PARN: variants seen among roughly 807,000 people sequenced by gnomAD.
PARN encodes the protein poly(A)-specific ribonuclease.
A neutral mutation model predicts 102.8 loss-of-function variants in PARN; 71 were observed. That is an observed-to-expected ratio of 0.69 (90% CI 0.57 to 0.84). The LOEUF is 0.84. PARN is among the 40% of genes least tolerant of loss of function. The pLI is 0.00. For synonymous variants in PARN, 261 were observed against 252.9 expected, an observed-to-expected ratio of 1.03 and a Z score of -0.30; for missense variants, 782 against 760.9, an observed-to-expected ratio of 1.03 and a Z score of -0.33.
intron 2 of PARN, 52 bp downstream of exon 2, chr16:14,629,545 G>T: frequency 7.7e-7 from 1 of 1,298,858 alleles, no homozygotes; most frequent in Non-Finnish European, 1.1e-6. Context: ...GATTGAAGGA[G>T]CCTTGGCTAT....
intron 18 of PARN, among the ~76,000 whole-genome samples, chr16:14,565,862 G>C (rs890463850): frequency 6.6e-6 from 1 of 152,170 alleles, no homozygotes; most frequent in African/African-American, 2.4e-5. Context: ...TATGAGGGCT[G>C]CCTTTAGAAA....
intron 21 of PARN, among the ~76,000 whole-genome samples, chr16:14,519,149 G>A (rs1965608669): frequency 6.6e-6 from 1 of 151,490 alleles, no homozygotes; most frequent in East Asian, 1.9e-4. Context: ...GAGAAAGAAC[G>A]TATATATTTA....
At chr16:14,563,476 T>TTGTGTGTGTGTGTGTG (rs56099416) in intron 18 of PARN, among the ~76,000 whole-genome samples, 1 of 143,648 alleles carries the variant, frequency 7.0e-6, no homozygotes, top group Admixed American at 7.0e-5. Context: ...GAAAATTCCT[T>TTGTGTGTGTGTGTGTG]TGTGTGTGTG....
intron 21 of PARN, among the ~76,000 whole-genome samples, chr16:14,508,652 C>T (rs1324362466): frequency 6.6e-6 from 1 of 151,040 alleles, no homozygotes; most frequent in African/African-American, 2.4e-5. Context: ...CCTATAATTT[C>T]TGAATGTATG....
At chr16:14,536,939 A>G (rs1314290496) in intron 21 of PARN, among the ~76,000 whole-genome samples, 1 of 152,204 alleles carries the variant, frequency 6.6e-6, no homozygotes, top group Non-Finnish European at 1.5e-5. Flanking sequence ...AAATAACAGA[A>G]AAATGAGACT....
chr16:14,437,114 A>G (rs1264337180), intron 23 of PARN, among the ~76,000 whole-genome samples: 1 of 152,270 alleles, frequency 6.6e-6, no homozygotes, highest in African/African-American at 2.4e-5. Flanking sequence ...TACAGCGGGC[A>G]TTTAATTCAT....
At position 14,629,612 on chromosome 16, in the gene PARN, C is replaced by T. The variant is rs1972903738; in HGVS notation, c.82G>A (p.Asp28Asn). The change falls in exon 2 of 24, where the codon GAT becomes AAT. Residue 28 changes from aspartate (D) to asparagine (N), a missense_variant. Physicochemically the swap from Asp to Asn is conservative, Grantham distance 23 (BLOSUM62 1). Transcript: ENST00000437198. ...AIEEADFFAIDGEFSGISDGP... is the reference protein window; with the variant it reads ...AIEEADFFAINGEFSGISDGP... The stretch of plus-strand genomic sequence containing the variant: ...GGAGGGATACCTGAAAACTCCCCAT[C>T]GATGGCGAAGAAGTCGGCCTCCTCT... 6.2e-7 allele frequency: 1 copy of T among 1,612,838 alleles called. No individual in the cohort carries two copies. Among genetic ancestry groups the T allele is most frequent in the African/African-American group, 1.3e-5 (1 of 75,028 alleles).
chr16:14,535,792 ATTTAAC>A (rs1288114541), intron 21 of PARN, among the ~76,000 whole-genome samples: 1 of 152,154 alleles, frequency 6.6e-6, no homozygotes, highest in Non-Finnish European at 1.5e-5. Context: ...TAATTTATAA[ATTTAAC>A]TTTATCATAG....
At chr16:14,449,919 G>A (rs36112041) in intron 22 of PARN, among the ~76,000 whole-genome samples, 24,223 of 152,094 alleles carry the variant, frequency 0.16, 1,985 homozygotes, top group East Asian at 0.23. Flanking sequence ...TATTCTTATG[G>A]AGGGAATGTG....
chr16:14,556,541 A>G (rs895756302), intron 18 of PARN, among the ~76,000 whole-genome samples: 2 of 152,212 alleles, frequency 1.3e-5, no homozygotes, highest in African/African-American at 2.4e-5. Flanking sequence ...TAGAAAAAAC[A>G]AACAAGCAAC....
chr16:14,554,119 T>A lies in PARN; in HGVS notation c.1351A>T (p.Thr451Ser), dbSNP rs984383174. ...QPKRDHVLHV[T>S]FPKEWKTSDL... ...CTGGTTTTCCATTCTTTGGGGAATGTCACATGGAGAACATGATCACGTTTA... is the reference window on the plus strand; with the variant it reads ...CTGGTTTTCCATTCTTTGGGGAATGACACATGGAGAACATGATCACGTTTA... Residue 451 changes from threonine to serine, a missense_variant, in exon 20 of 24, where the codon ACA (threonine) becomes TCA (serine). Thr to Ser is a moderately conservative substitution (Grantham distance 58). Coordinates refer to ENST00000437198, the MANE Select transcript of PARN (RefSeq NM_002582.4). The A allele has an allele frequency of 6.2e-7, 1 of 1,613,350 alleles. No individual in the cohort carries two copies. Among genetic ancestry groups the A allele is most frequent in the African/African-American group, 1.3e-5 (1 of 74,920 alleles).
At chr16:14,492,030 T>C (rs760326370) in intron 21 of PARN, among the ~76,000 whole-genome samples, 8 of 152,352 alleles carry the variant, frequency 5.3e-5, no homozygotes, top group East Asian at 1.9e-4. Flanking sequence ...CCGTCACTGA[T>C]AGCAGAGGCT....
intron 21 of PARN, among the ~76,000 whole-genome samples, chr16:14,542,974 G>A (rs1184161061): frequency 6.6e-6 from 1 of 152,150 alleles, no homozygotes; most frequent in African/African-American, 2.4e-5. Context: ...GACTCAATAA[G>A]TTCAGCCAAC....
intron 21 of PARN, among the ~76,000 whole-genome samples, chr16:14,548,264 T>G (rs578067609): frequency 6.6e-6 from 1 of 150,472 alleles, no homozygotes; most frequent in African/African-American, 2.4e-5. Context: ...AAAAAAAAAT[T>G]AATAGGATTT....
chr16:14,545,144 T>C (rs1384690347), intron 21 of PARN, among the ~76,000 whole-genome samples: 1 of 152,132 alleles, frequency 6.6e-6, no homozygotes, highest in Non-Finnish European at 1.5e-5. Flanking sequence ...GCCGAGATCA[T>C]ACTCTGGCCT....
chr16:14,554,274 A>G (rs1406447318), intron 19 of PARN, 123 bp from the exon 20 acceptor site: 7 of 643,494 alleles, frequency 1.1e-5, no homozygotes, highest in African/African-American at 5.6e-5. Flanking sequence ...CATGATTACC[A>G]AACAACTCCT....
chr16:14,614,846 C>CACAAA (rs1971777679), intron 6 of PARN, among the ~76,000 whole-genome samples: 1 of 37,656 alleles, frequency 2.7e-5, no homozygotes, highest in Non-Finnish European at 4.3e-5. Context: ...GAAACTGTCT[C>CACAAA]AAAAAAAAAA....
At chr16:14,497,580 T>C (rs1036369105) in intron 21 of PARN, among the ~76,000 whole-genome samples, 1 of 152,246 alleles carries the variant, frequency 6.6e-6, no homozygotes, top group Non-Finnish European at 1.5e-5. Context: ...ACAACATTAG[T>C]GATACGGTGA....
intron 5 of PARN, among the ~76,000 whole-genome samples, chr16:14,620,737 T>TTG (rs1972243169): frequency 6.6e-6 from 1 of 152,188 alleles, no homozygotes; most frequent in East Asian, 1.9e-4. Flanking sequence ...AGGTCTCTAT[T>TTG]CTGGGGAAAG....
Sources: gnomAD v4.1 joint callset for allele counts (sites outside exome capture counted in the v4.1 genomes callset) on GRCh38, gnomAD v4.1.1 for gene constraint, MANE v1.5 for transcripts, NCBI Gene and HGNC (gene_info 2026-07-23, HGNC 2026-07-21) for gene names.